NXN: variants seen among roughly 807,000 people sequenced by gnomAD.
NXN encodes the protein nucleoredoxin, also known as nucleoredoxin 1.
In NXN, 16 loss-of-function variants were observed where a neutral mutation model predicts 48.6. That is an observed-to-expected ratio of 0.33 (90% CI 0.22 to 0.50). The LOEUF (loss-of-function observed/expected upper bound fraction) is 0.50, where lower values mean the gene tolerates loss of function less well. Among genes scored for constraint, NXN ranks in the 20% least tolerant of loss-of-function variants. The pLI is 0.98. For synonymous variants in NXN, 281 were observed against 269.6 expected (o/e 1.04, Z -0.41); for missense variants, 492 against 605.5 (o/e 0.81, Z 1.97).
chr17:913,609 T>TCCCCAGGCAATG (rs1271383565), intron 1 of NXN, among the ~76,000 whole-genome samples: 1 of 151,760 alleles, frequency 6.6e-6, no homozygotes, highest in Non-Finnish European at 1.5e-5. Flanking sequence ...TACCCCCACG[T>TCCCCAGGCAATG]CCCCAGGCAA....
At chr17:885,403 G>T (rs1245973949) in intron 1 of NXN, among the ~76,000 whole-genome samples, 3 of 151,908 alleles carry the variant, frequency 2.0e-5, no homozygotes, top group African/African-American at 7.3e-5. Context: ...CTTGAACCCG[G>T]GAGGTGGAGG....
chr17:876,691 C>A lies in NXN; in HGVS notation c.361-50613G>T, dbSNP rs373875416. On this transcript the variant is annotated intron_variant, in intron 1 of 7. Coordinates refer to ENST00000336868, the MANE Select transcript of NXN (RefSeq NM_022463.5). ...ATACCATCTTCATTCCTCATTTATA[C>A]GGGAAACTCCTTGTGGTTCCCTTTG... 2.6e-5 allele frequency among the ~76,000 whole-genome samples: 4 copies of A among 152,278 alleles called. No individual in the cohort carries two copies. In the East Asian group the frequency reaches 7.7e-4, roughly 29 times the overall value.
chr17:815,950 C>G (rs1341632015), intron 5 of NXN, among the ~76,000 whole-genome samples: 1 of 152,146 alleles, frequency 6.6e-6, no homozygotes, highest in Non-Finnish European at 1.5e-5. Flanking sequence ...CGGAGGAAGA[C>G]ACACATCAGA....
intron 5 of NXN, among the ~76,000 whole-genome samples, chr17:818,018 GGAGGCC>G (rs1371324211): frequency 6.6e-6 from 1 of 152,150 alleles, no homozygotes; most frequent in Non-Finnish European, 1.5e-5. Flanking sequence ...CAGCACTTTG[GGAGGCC>G]GAGGCGGGTG....
intron 1 of NXN, among the ~76,000 whole-genome samples, chr17:892,636 C>T (rs1217220161): frequency 2.1e-4 from 12 of 57,818 alleles, no homozygotes; most frequent in African/African-American, 3.3e-4. Context: ...AGGGGCGGGG[C>T]GGGGTGGGGT....
At chr17:979,243 G>GTAACGGGCGTGGGGGGCGGGCAGGGC in intron 1 of NXN, 76 bp downstream of exon 1, 1 of 1,030,292 alleles carries the variant, frequency 9.7e-7, no homozygotes, top group Non-Finnish European at 1.2e-6. Flanking sequence ...GAGGGCAGGG[G>GTAACGGGCGTGGGGGGCGGGCAGGGC]TAACGGGCGT....
intron 1 of NXN, chr17:864,211 G>T: frequency 7.5e-7 from 1 of 1,332,078 alleles, no homozygotes; most frequent in Non-Finnish European, 1.0e-6. Context: ...GGCACAGGAT[G>T]GGCATTCATG....
intron 1 of NXN, among the ~76,000 whole-genome samples, chr17:961,575 C>CA (rs1421569122): frequency 6.6e-6 from 1 of 152,132 alleles, no homozygotes; most frequent in Non-Finnish European, 1.5e-5. Context: ...TCCTAACCTA[C>CA]AGGATGTACA....
At chr17:909,132 C>T (rs1024747193) in intron 1 of NXN, among the ~76,000 whole-genome samples, 1 of 147,118 alleles carries the variant, frequency 6.8e-6, no homozygotes, top group Non-Finnish European at 1.5e-5. Flanking sequence ...AAAAAACACT[C>T]CCTGCCAGCA....
At chr17:889,386 T>C (rs2068384738) in intron 1 of NXN, among the ~76,000 whole-genome samples, 1 of 152,030 alleles carries the variant, frequency 6.6e-6, no homozygotes, top group African/African-American at 2.4e-5. Flanking sequence ...CACAGGAAGG[T>C]AGAAATGAAT....
At chr17:895,809 A>AG (rs2068477636) in intron 1 of NXN, among the ~76,000 whole-genome samples, 7 of 4,094 alleles carry the variant, frequency 1.7e-3, no homozygotes, top group Non-Finnish European at 1.0e-3. Flanking sequence ...TGTTTGTCTC[A>AG]AAAACAAACA....
intron 1 of NXN, among the ~76,000 whole-genome samples, chr17:874,917 G>A (rs1002908187): frequency 6.6e-6 from 1 of 152,116 alleles, no homozygotes; most frequent in African/African-American, 2.4e-5. Context: ...AATGACTACA[G>A]AAAAGAACAA....
At chr17:843,343 G>C (rs1456527330) in intron 1 of NXN, among the ~76,000 whole-genome samples, 2 of 152,352 alleles carry the variant, frequency 1.3e-5, no homozygotes, top group East Asian at 3.9e-4. Context: ...CCGCGAGCCA[G>C]GAGATGAGCA....
chr17:955,003 G>A (rs767848397), intron 1 of NXN, among the ~76,000 whole-genome samples: 4 of 151,920 alleles, frequency 2.6e-5, no homozygotes, highest in Non-Finnish European at 4.4e-5. Flanking sequence ...CCCGCGTCCC[G>A]GGCCTGACCC....
At chr17:841,423 ATCTCAC>A (rs1914206094) in intron 1 of NXN, among the ~76,000 whole-genome samples, 1 of 123,822 alleles carries the variant, frequency 8.1e-6, no homozygotes, top group Non-Finnish European at 1.9e-5. Context: ...ACCACGGCGC[ATCTCAC>A]ACGGGCGAGC....
At chr17:811,213 C>T (rs373952681) in intron 5 of NXN, among the ~76,000 whole-genome samples, 21 of 152,166 alleles carry the variant, frequency 1.4e-4, no homozygotes, top group Admixed American at 9.2e-4. Flanking sequence ...CCCGGCCGCC[C>T]GGCACCTCTA....
intron 5 of NXN, among the ~76,000 whole-genome samples, chr17:811,268 T>C (rs1911983145): frequency 6.6e-6 from 1 of 152,146 alleles, no homozygotes; most frequent in Admixed American, 6.5e-5. Context: ...CCTCAGGCCG[T>C]CCGCCCTCCC....
At position 965,671 on chromosome 17, in the gene NXN, T is replaced by G. The variant is rs555827574; in HGVS notation, c.360+13648A>C. Among the ~76,000 whole-genome samples, 4 of 152,186 alleles carry G rather than the reference T, an allele frequency of 2.6e-5. No homozygotes were observed. The South Asian group carries it at 8.3e-4, about 32-fold the overall frequency. On this transcript the variant is annotated intron_variant, in intron 1 of 7. Transcript: ENST00000336868. ...TAACCCCCCAACTCTATCCCCAGAC[T>G]CAGGCTAATCAACATTTTTATCAAC...
rs1428150531 is a variant in NXN at position 919,387 on chromosome 17, G to C, written c.360+59932C>G. On this transcript the variant is annotated intron_variant, in intron 1 of 7. Coordinates refer to ENST00000336868, the MANE Select transcript of NXN (RefSeq NM_022463.5). The surrounding 1 kb of genome is among the most constrained non-coding windows in gnomAD (Gnocchi z 5.1). Reference sequence around the variant, plus strand: ...AAAACAAAACAAAAAAAAGGTTCTGGAATGATTATTCCAATTAAACAGCTT... The same window carrying C: ...AAAACAAAACAAAAAAAAGGTTCTGCAATGATTATTCCAATTAAACAGCTT... Among the ~76,000 whole-genome samples, 1 of 152,008 alleles carries C rather than the reference G, an allele frequency of 6.6e-6. No individual in the cohort carries two copies. Among genetic ancestry groups the C allele is most frequent in the African/African-American group, 2.4e-5 (1 of 41,386 alleles).
Sources: gnomAD v4.1 joint callset for allele counts (sites outside exome capture counted in the v4.1 genomes callset) on GRCh38, gnomAD v4.1.1 for gene constraint, Gnocchi (gnomAD v3.1) non-coding constraint, MANE v1.5 for transcripts, NCBI Gene and HGNC (gene_info 2026-07-23, HGNC 2026-07-21) for gene names.